The following PRELID2 variants were observed in gnomAD, a reference collection of about 807,000 sequenced individuals.
The protein encoded by PRELID2 is PRELI domain-containing protein 2.
Under a neutral mutation model 28.4 loss-of-function variants are expected in PRELID2, and 25 were observed. The ratio of observed to expected loss-of-function variants is 0.88; its 90% CI spans 0.64 to 1.23. The LOEUF (loss-of-function observed/expected upper bound fraction) is 1.23, where lower values mean the gene tolerates loss of function less well. Ranked by LOEUF, PRELID2 falls within the 50% of genes most tolerant of loss-of-function variation. The probability of loss-of-function intolerance (pLI) is 0.00; values close to 1 mark genes in which losing one functional copy is unlikely to be tolerated. For synonymous variants in PRELID2, 76 were observed against 71.6 expected (o/e 1.06, Z -0.31); for missense variants, 201 against 214.4 (o/e 0.94, Z 0.39).
chr5:145,287,135 C>T, the PRELID2 span, among the ~76,000 whole-genome samples: 331 of 152,152 alleles, frequency 2.2e-3, 2 homozygotes, highest in African/African-American at 7.7e-3. Context: ...GGATACATTC[C>T]AAGACCTTCA....
At chr5:145,646,278 A>G (rs1324350494) in intron 1 of PRELID2, among the ~76,000 whole-genome samples, 1 of 152,084 alleles carries the variant, frequency 6.6e-6, no homozygotes, top group Non-Finnish European at 1.5e-5. Flanking sequence ...TTATATCATT[A>G]AGTTGATCTT....
At chr5:145,456,037 T>C in the PRELID2 span, among the ~76,000 whole-genome samples, 1 of 152,204 alleles carries the variant, frequency 6.6e-6, no homozygotes, top group Admixed American at 6.5e-5. Flanking sequence ...CTCAGATATC[T>C]TACCTTGGTC....
intron 1 of PRELID2, among the ~76,000 whole-genome samples, chr5:145,544,130 G>T (rs924900217): frequency 1.1e-4 from 17 of 152,200 alleles, no homozygotes; most frequent in Non-Finnish European, 1.5e-5. Flanking sequence ...AAGTCACACA[G>T]TTGTAGGCTG....
chr5:145,242,729 A>G, the PRELID2 span, among the ~76,000 whole-genome samples: 1 of 152,122 alleles, frequency 6.6e-6, no homozygotes, highest in Admixed American at 6.6e-5. Flanking sequence ...ACCTGTGGGC[A>G]GTAGGTTAAA....
chr5:145,421,674 C>T, the PRELID2 span, among the ~76,000 whole-genome samples: 3 of 142,876 alleles, frequency 2.1e-5, no homozygotes, highest in East Asian at 2.0e-4. Flanking sequence ...TTGATCCTTT[C>T]AAAAAACCAG....
At chr5:145,238,375 T>A in the PRELID2 span, among the ~76,000 whole-genome samples, 1 of 152,130 alleles carries the variant, frequency 6.6e-6, no homozygotes, top group Non-Finnish European at 1.5e-5. Flanking sequence ...CTTCCATTAT[T>A]CAACACTTCT....
the PRELID2 span, among the ~76,000 whole-genome samples, chr5:145,430,160 C>T: frequency 3.4e-4 from 52 of 152,158 alleles, no homozygotes; most frequent in African/African-American, 1.3e-3. Context: ...CCCAACTCTA[C>T]ATGTGCAAAT....
At chr5:145,414,770 T>G in the PRELID2 span, among the ~76,000 whole-genome samples, 1 of 152,204 alleles carries the variant, frequency 6.6e-6, no homozygotes, top group Admixed American at 6.5e-5. Flanking sequence ...ATATAAGTAT[T>G]TACTTGGGCA....
At chr5:145,712,625 A>G (rs1370978894) in intron 1 of PRELID2, among the ~76,000 whole-genome samples, 1 of 152,226 alleles carries the variant, frequency 6.6e-6, no homozygotes, top group Non-Finnish European at 1.5e-5. Flanking sequence ...TATAATATCC[A>G]GCATACAATT....
chr5:145,787,932 G>GTC (rs1161685166), intron 5 of PRELID2, among the ~76,000 whole-genome samples: 4,735 of 152,226 alleles, frequency 0.031, 223 homozygotes, highest in African/African-American at 0.11. Context: ...GGTGAAAAGA[G>GTC]CAATTAGGGG....
the PRELID2 span, among the ~76,000 whole-genome samples, chr5:145,271,352 G>A: frequency 6.6e-6 from 1 of 152,016 alleles, no homozygotes; most frequent in African/African-American, 2.4e-5. Flanking sequence ...AGCCACCTAA[G>A]TAGCTGGCAC....
the PRELID2 span, among the ~76,000 whole-genome samples, chr5:145,363,134 A>C: frequency 6.7e-6 from 1 of 150,014 alleles, no homozygotes; most frequent in East Asian, 1.9e-4. Context: ...AAAAAAAAAC[A>C]GAGAAAATGA....
At chr5:145,704,174 A>G (rs1022647578) in intron 1 of PRELID2, 1 of 152,168 alleles carries the variant, frequency 6.6e-6, no homozygotes, top group Non-Finnish European at 1.5e-5. Flanking sequence ...GCCAGCCCAG[A>G]TTGGCATGTG....
intron 1 of PRELID2, among the ~76,000 whole-genome samples, chr5:145,543,633 T>C (rs1752762729): frequency 6.6e-6 from 1 of 152,130 alleles, no homozygotes; most frequent in South Asian, 2.1e-4. Flanking sequence ...GCCAGTAAAA[T>C]TCCAATTTAG....
chr5:145,719,417 G>T (rs1163639894), intron 1 of PRELID2, among the ~76,000 whole-genome samples: 1 of 151,672 alleles, frequency 6.6e-6, no homozygotes, highest in Non-Finnish European at 1.5e-5. Context: ...ATGGTGAAGA[G>T]AAGCATGTAA....
chr5:145,360,159 C>G, the PRELID2 span, among the ~76,000 whole-genome samples: 1 of 151,994 alleles, frequency 6.6e-6, no homozygotes, highest in African/African-American at 2.4e-5. Context: ...GAAATATTGG[C>G]CAGAATGGAA....
chr5:145,245,780 T>A, the PRELID2 span, among the ~76,000 whole-genome samples: 12 of 152,200 alleles, frequency 7.9e-5, no homozygotes, highest in South Asian at 6.2e-4. Context: ...TTGTGTGAAT[T>A]TGGGTATTTC....
At chr5:145,639,187 T>C (rs1018564641) in intron 1 of PRELID2, among the ~76,000 whole-genome samples, 1 of 152,212 alleles carries the variant, frequency 6.6e-6, no homozygotes, top group African/African-American at 2.4e-5. Flanking sequence ...GGAAAACCTA[T>C]TGCATATATA....
the PRELID2 span, among the ~76,000 whole-genome samples, chr5:145,294,290 C>T: frequency 6.6e-6 from 1 of 152,032 alleles, no homozygotes; most frequent in South Asian, 2.1e-4. Flanking sequence ...ATCAGAATTT[C>T]TAAAATGCTA....
Sources: gnomAD v4.1 joint callset for allele counts (sites outside exome capture counted in the v4.1 genomes callset) on GRCh38, gnomAD v4.1.1 for gene constraint, MANE v1.5 for transcripts, NCBI Gene and HGNC (gene_info 2026-07-23, HGNC 2026-07-21) for gene names.